The following SSR3 variants were observed in gnomAD, a reference collection of about 807,000 sequenced individuals.
The protein encoded by SSR3 is translocon-associated protein subunit gamma.
In SSR3, 10 loss-of-function variants were observed where a neutral mutation model predicts 22.1. The ratio of observed to expected loss-of-function variants is 0.45; its 90% confidence interval spans 0.28 to 0.77. The LOEUF (loss-of-function observed/expected upper bound fraction) is 0.77. SSR3 is among the 30% of genes least tolerant of loss of function. The pLI, the probability that SSR3 is intolerant of heterozygous loss-of-function variation, is 0.13. For synonymous variants in SSR3, 104 were observed against 82.5 expected (o/e 1.26, Z -1.42); for missense variants, 181 against 220.5 (o/e 0.82, Z 1.13).
Position 156,543,171 on chromosome 3 carries a change from G to A in SSR3, c.*32C>T, listed in dbSNP as rs749753124. ...TTCCATATACCACAGGCCACCCATA[G>A]ACACAAAGCCAGGGGGTGAAGCTGA... On this transcript the variant is annotated 3_prime_UTR_variant, in exon 5 of 5. Transcript: ENST00000265044. The A allele has an allele frequency of 1.9e-6, 3 of 1,606,814 alleles. No homozygotes were observed. In the East Asian group the frequency reaches 6.7e-5, roughly 36 times the overall value.
At position 156,540,817 on chromosome 3, in the gene SSR3, C is replaced by T. The variant is rs1014116977; in HGVS notation, c.*2386G>A. On this transcript the variant is annotated 3_prime_UTR_variant, in exon 5 of 5. Coordinates refer to ENST00000265044, the MANE Select transcript of SSR3 (RefSeq NM_007107.5). ...TGGTCTTTTTAAGACAAAAATTCTA[C>T]AGCATGGTTTTACTAAGTCAGATTG... 1 of 152,088 alleles carries T rather than the reference C, an allele frequency of 6.6e-6. No individual in the cohort carries two copies. The highest frequency in any genetic ancestry group is 2.4e-5 in the African/African-American group (1 of 41,400). 9.4% of individuals were successfully genotyped at this position (152,088 alleles called of 1,614,324 possible). A position where few individuals can be genotyped will look rare whatever the true frequency, so the allele number is the denominator to read the frequency against.
chr3:156,553,663 G>C lies in SSR3; in HGVS notation c.252C>G (p.Leu84=). The change falls in exon 2 of 5, where the codon CTC becomes CTG. Residue 84 remains leucine, a synonymous_variant. Coordinates refer to ENST00000265044, the MANE Select transcript of SSR3 (RefSeq NM_007107.5). ...TTGAAAAACATACTTACTTGTGCTT[G>C]AGAACAAATTTCACATTCTTGTATG... ...AFAYKNVKFV[L]KHKVAQKRED... is the part of the protein sequence containing the mutation. 6.2e-7 allele frequency: 1 copy of C among 1,611,134 alleles called. No individual in the cohort carries two copies. The highest frequency in any genetic ancestry group is 8.5e-7 in the Non-Finnish European group (1 of 1,179,640).
chr3:156,544,009 TC>T (rs1235978445), intron 4 of SSR3: 15 of 349,818 alleles, frequency 4.3e-5, no homozygotes, highest in Middle Eastern at 7.1e-4. Flanking sequence ...TCAGAAGCTA[TC>T]AAAAATGACA....
At chr3:156,544,549 A>AG in intron 3 of SSR3, 110 bp from the exon 4 acceptor site, 2 of 840,772 alleles carry the variant, frequency 2.4e-6, no homozygotes, top group Non-Finnish European at 1.7e-6. Context: ...TGAGTGTTCT[A>AG]GGGTAAGAAT....
Position 156,543,233 on chromosome 3 carries a change from G to A in SSR3, c.528C>T (p.Leu176=). The change falls in exon 5 of 5, where the codon CTC becomes CTT. Residue 176 remains leucine (L), a synonymous_variant. Transcript: ENST00000265044. ...TGGAGCCAGTAGACAGGAGGGCGAT[G>A]AGTCCTGATGAAGCACTTATGGACA... ...YILSISASSG[L]IALLSTGSK is the part of the protein sequence containing the mutation. 1 of 1,613,984 alleles carries A rather than the reference G, an allele frequency of 6.2e-7. No homozygotes were observed. The highest frequency in any genetic ancestry group is 2.2e-5 in the East Asian group (1 of 44,878).
At chr3:156,546,203 A>AG (rs1333893942) in intron 3 of SSR3, among the ~76,000 whole-genome samples, 2 of 152,210 alleles carry the variant, frequency 1.3e-5, no homozygotes, top group Non-Finnish European at 2.9e-5. Flanking sequence ...CGTGACAGTG[A>AG]GGGAGTTGTC....
At chr3:156,554,729 G>A (rs758523250) in intron 1 of SSR3, 1 of 560,098 alleles carries the variant, frequency 1.8e-6, no homozygotes, top group South Asian at 2.3e-5. Context: ...GCTCGGGAAC[G>A]TGCGTACTTT....
At position 156,548,989 on chromosome 3, in the gene SSR3, C is replaced by T; in HGVS notation, c.275G>A (p.Arg92Lys). ...FVLKHKVAQK[R>K]EDAVSKEVTR... ...CACTTCTTTGGAAACAGCATCCTCC[C>T]TCTTCTGTGCTACTCTGGAAGAAAA... is the stretch of plus-strand genomic sequence containing the variant. The change falls in exon 3 of 5, where the codon AGG becomes AAG. Residue 92 changes from arginine (R) to lysine (K), a missense_variant. Physicochemically the swap from Arg to Lys is conservative, Grantham distance 26. Transcript: ENST00000265044. The T allele has an allele frequency of 6.2e-7, 1 of 1,612,460 alleles. No individual in the cohort carries two copies. Among genetic ancestry groups the T allele is most frequent in the African/African-American group, 1.3e-5 (1 of 74,938 alleles).
At chr3:156,553,912 A>T in intron 1 of SSR3, 131 bp from the exon 2 acceptor site, 1 of 818,540 alleles carries the variant, frequency 1.2e-6, no homozygotes, top group Non-Finnish European at 1.8e-6. Flanking sequence ...ATCCAATAGT[A>T]TCTGAGGATC....
intron 3 of SSR3, among the ~76,000 whole-genome samples, chr3:156,547,205 T>G (rs1194378174): frequency 6.6e-6 from 1 of 152,166 alleles, no homozygotes; most frequent in Non-Finnish European, 1.5e-5. Flanking sequence ...TCACCCCACT[T>G]TGAAATACCT....
intron 2 of SSR3, among the ~76,000 whole-genome samples, chr3:156,552,371 G>A (rs558559979): frequency 6.6e-6 from 1 of 151,484 alleles, no homozygotes; most frequent in Non-Finnish European, 1.5e-5. Context: ...GTCACATAAG[G>A]AGAAATACAT....
chr3:156,554,997 G>A lies in SSR3; in HGVS notation c.93C>T (p.Leu31=), dbSNP rs538795667. Residue 31 remains leucine (L), a synonymous_variant, in exon 1 of 5, where the codon CTC becomes CTT. Transcript: ENST00000265044. ...SRNLSAKSSA[L]FFGNAFIVSA... ...ACACGATGAACGCGTTTCCGAAGAA[G>A]AGCGCGGAGGACTTGGCCGAGAGAT... The A allele has an allele frequency of 7.4e-5, 120 of 1,614,084 alleles. No homozygotes were observed. Among genetic ancestry groups the A allele is most frequent in the Non-Finnish European group, 1.0e-4 (118 of 1,179,954 alleles).
intron 2 of SSR3, 89 bp downstream of exon 2, chr3:156,553,566 T>G: frequency 2.2e-6 from 3 of 1,344,558 alleles, no homozygotes; most frequent in Non-Finnish European, 3.0e-6. Flanking sequence ...AATTAATGCT[T>G]ATTAAAACCA....
intron 1 of SSR3, 115 bp downstream of exon 1, chr3:156,554,842 G>T: frequency 7.2e-7 from 1 of 1,386,452 alleles, no homozygotes; most frequent in Non-Finnish European, 9.7e-7. Flanking sequence ...GAGCTGGAGA[G>T]ATTGCCGACC....
chr3:156,544,689 G>A (rs924388201), intron 3 of SSR3, among the ~76,000 whole-genome samples: 1 of 152,166 alleles, frequency 6.6e-6, no homozygotes, highest in Admixed American at 6.5e-5. Context: ...CCAGGGTTAT[G>A]GAAGAAAGGA....
intron 3 of SSR3, among the ~76,000 whole-genome samples, chr3:156,547,073 A>T (rs764224219): frequency 5.3e-5 from 8 of 152,144 alleles, no homozygotes; most frequent in Non-Finnish European, 7.4e-5. Context: ...TACAGTACAA[A>T]CTGTATCCCG....
chr3:156,548,882 C>A (rs1719851532), intron 3 of SSR3, 23 bp downstream of exon 3: 2 of 1,610,366 alleles, frequency 1.2e-6, no homozygotes, highest in Non-Finnish European at 8.5e-7. Context: ...TTATGATGGC[C>A]ATACTTTAAA....
At chr3:156,549,760 T>C (rs1200650801) in intron 2 of SSR3, among the ~76,000 whole-genome samples, 1 of 152,174 alleles carries the variant, frequency 6.6e-6, no homozygotes, top group African/African-American at 2.4e-5. Flanking sequence ...AGTTACTTTT[T>C]AAACCTTGTT....
chr3:156,547,820 T>C (rs1045398435), intron 3 of SSR3, among the ~76,000 whole-genome samples: 1 of 152,204 alleles, frequency 6.6e-6, no homozygotes, highest in African/African-American at 2.4e-5. Flanking sequence ...TGCATGCTGC[T>C]TCTCGTCAGA....
Sources: allele counts gnomAD v4.1 joint callset (sites outside exome capture counted in the v4.1 genomes callset), GRCh38; gene constraint gnomAD v4.1.1; transcripts MANE v1.5; gene names NCBI Gene and HGNC (gene_info 2026-07-23, HGNC 2026-07-21).